Variants in MNAT1 observed in about 807,000 individuals in gnomAD.
MNAT1 encodes CDK-activating kinase assembly factor MAT1.
A neutral mutation model predicts 42.0 loss-of-function variants in MNAT1; 43 were observed. The observed-to-expected ratio is 1.02, with a 90% CI of 0.80 to 1.32. MNAT1 has a LOEUF of 1.32. Ranked by LOEUF, MNAT1 falls within the 40% of genes most tolerant of loss-of-function variation. MNAT1 has a pLI of 0.00. For missense variants in MNAT1, 306 were observed against 350.4 expected (o/e 0.87, Z 1.01); for synonymous variants, 118 against 120.0 (o/e 0.98, Z 0.11).
At chr14:60,778,148 A>G (rs937446328) in intron 1 of MNAT1, among the ~76,000 whole-genome samples, 1 of 152,170 alleles carries the variant, frequency 6.6e-6, no homozygotes, top group African/African-American at 2.4e-5. Flanking sequence ...TTGGCTGCAA[A>G]CCTATGAAGA....
At chr14:60,835,745 T>C (rs2033373132) in intron 6 of MNAT1, among the ~76,000 whole-genome samples, 1 of 152,134 alleles carries the variant, frequency 6.6e-6, no homozygotes, top group South Asian at 2.1e-4. Flanking sequence ...ATCTTTGTGG[T>C]GGTCTCTGTA....
At chr14:60,776,930 C>T (rs1220584526) in intron 1 of MNAT1, among the ~76,000 whole-genome samples, 1 of 95,230 alleles carries the variant, frequency 1.1e-5, no homozygotes, top group Non-Finnish European at 2.8e-5. Context: ...CTGATGCAGC[C>T]TTGACTTCCC....
chr14:60,929,168 A>T (rs376889479), intron 7 of MNAT1, among the ~76,000 whole-genome samples: 20,887 of 80,420 alleles, frequency 0.26, 2,099 homozygotes, highest in Non-Finnish European at 0.3. Flanking sequence ...AAAAAAAAAA[A>T]AAATATATAT....
chr14:60,890,770 C>G (rs1390913255), intron 7 of MNAT1, among the ~76,000 whole-genome samples: 2 of 152,176 alleles, frequency 1.3e-5, no homozygotes, highest in Admixed American at 1.3e-4. Context: ...CCTTCTTTTG[C>G]CTGCTTTATT....
intron 7 of MNAT1, among the ~76,000 whole-genome samples, chr14:60,930,424 A>G (rs2035862190): frequency 6.6e-6 from 1 of 152,022 alleles, no homozygotes; most frequent in Non-Finnish European, 1.5e-5. Context: ...AAGAGATATA[A>G]TGGAGAGAAG....
intron 6 of MNAT1, among the ~76,000 whole-genome samples, chr14:60,848,227 C>A (rs190263249): frequency 6.6e-5 from 10 of 152,264 alleles, no homozygotes; most frequent in Admixed American, 2.0e-4. Flanking sequence ...ATATATCGTT[C>A]CACTACCTTC....
chr14:60,795,399 C>T lies in MNAT1; in HGVS notation c.90-818C>T, dbSNP rs2031982366. Among the ~76,000 whole-genome samples the T allele has an allele frequency of 3.3e-5, 5 of 152,046 alleles. No individual in the cohort carries two copies. The South Asian group carries it at 1.0e-3, about 32-fold the overall frequency. On this transcript the variant is annotated intron_variant, in intron 1 of 7. Coordinates refer to ENST00000261245, the MANE Select transcript of MNAT1 (RefSeq NM_002431.4). The stretch of plus-strand genomic sequence containing the variant: ...GTATATTAACAGATCCCACCAAGTC[C>T]CCAGGAATCTGGTTATAGAGAGGTT...
At chr14:60,783,051 A>C (rs1205868182) in intron 1 of MNAT1, among the ~76,000 whole-genome samples, 1 of 152,174 alleles carries the variant, frequency 6.6e-6, no homozygotes, top group South Asian at 2.1e-4. Flanking sequence ...TCCCTAGTAG[A>C]TGTTCGTAGG....
At chr14:60,829,072 T>A (rs1232310787) in intron 6 of MNAT1, among the ~76,000 whole-genome samples, 1 of 152,038 alleles carries the variant, frequency 6.6e-6, no homozygotes, top group Non-Finnish European at 1.5e-5. Flanking sequence ...TGGCCACTGG[T>A]GATTAACTCA....
chr14:60,950,753 C>T (rs1003280378), intron 7 of MNAT1, among the ~76,000 whole-genome samples: 2 of 152,088 alleles, frequency 1.3e-5, no homozygotes, highest in Admixed American at 6.6e-5. Flanking sequence ...CATCTTTCGA[C>T]GAAGCTTCAT....
intron 1 of MNAT1, among the ~76,000 whole-genome samples, chr14:60,754,506 C>A (rs1213877220): frequency 1.3e-5 from 2 of 151,974 alleles, no homozygotes; most frequent in Non-Finnish European, 1.5e-5. Flanking sequence ...TGCCACCACA[C>A]CTGGTTGATT....
chr14:60,935,348 TTCTC>T lies in MNAT1; in HGVS notation c.810-32877_810-32874del, dbSNP rs535130246. 1.2e-3 allele frequency among the ~76,000 whole-genome samples: 177 copies of T among 147,382 alleles called. 2 individuals carry two copies. The highest frequency in any genetic ancestry group is 4.2e-3 in the African/African-American group (172 of 40,536). ...CCTCCCTCCCTCCTTCCTTTCTTCT[TTCTC>T]TCTTTCTTAGCATTATAGTTGATAT... On this transcript the variant is annotated intron_variant, in intron 7 of 7. Transcript: ENST00000261245.
intron 7 of MNAT1, among the ~76,000 whole-genome samples, chr14:60,899,551 A>C (rs1239530039): frequency 6.6e-6 from 1 of 152,170 alleles, no homozygotes; most frequent in Admixed American, 6.5e-5. Context: ...TTAGAACCTG[A>C]TGGTAATTAG....
At chr14:60,763,457 A>T (rs4151163) in intron 1 of MNAT1, among the ~76,000 whole-genome samples, 1 of 152,174 alleles carries the variant, frequency 6.6e-6, no homozygotes, top group Non-Finnish European at 1.5e-5. Context: ...ATAGATGAAT[A>T]AAATAGGGTA....
rs1273602304 is a variant in MNAT1, at chr14:60,791,549, C to T, written c.90-4668C>T. Among the ~76,000 whole-genome samples the T allele has an allele frequency of 5.9e-5, 9 of 152,250 alleles. No homozygotes were observed. The South Asian group carries it at 1.0e-3, about 18-fold the overall frequency. ...TGAAAGGACTGATGAGGAAATTTAACAGCAAATATTCCAAAGTTTAAATTG... is the reference window on the plus strand; with the variant it reads ...TGAAAGGACTGATGAGGAAATTTAATAGCAAATATTCCAAAGTTTAAATTG... On this transcript the variant is annotated intron_variant, in intron 1 of 7. Coordinates refer to ENST00000261245, the MANE Select transcript of MNAT1 (RefSeq NM_002431.4).
Position 60,959,622 on chromosome 14 carries a change from T to C in MNAT1, c.810-8607T>C, listed in dbSNP as rs893451253. Among the ~76,000 whole-genome samples, 3 of 152,340 alleles carry C rather than the reference T, an allele frequency of 2.0e-5. No homozygotes were observed. In the South Asian group the frequency reaches 6.2e-4, roughly 32 times the overall value. Reference sequence around the variant, plus strand: ...GAATGAACTGTTTCTTTCTTTTGTGTGGTTATGGAATTTTTGTGTCATTAC... The same window carrying C: ...GAATGAACTGTTTCTTTCTTTTGTGCGGTTATGGAATTTTTGTGTCATTAC... On this transcript the variant is annotated intron_variant, in intron 7 of 7. Transcript: ENST00000261245.
At chr14:60,752,730 G>A (rs116142501) in intron 1 of MNAT1, among the ~76,000 whole-genome samples, 1 of 152,224 alleles carries the variant, frequency 6.6e-6, no homozygotes, top group African/African-American at 2.4e-5. Flanking sequence ...AACTAATTTT[G>A]TAAGAAATTT....
chr14:60,885,316 T>C (rs996365790), intron 7 of MNAT1, among the ~76,000 whole-genome samples: 2 of 151,960 alleles, frequency 1.3e-5, no homozygotes, highest in African/African-American at 4.8e-5. Flanking sequence ...TTAGGCCCCA[T>C]AACTCTTAGA....
At chr14:60,957,969 C>T (rs891692582) in intron 7 of MNAT1, among the ~76,000 whole-genome samples, 2 of 152,072 alleles carry the variant, frequency 1.3e-5, no homozygotes, top group African/African-American at 4.8e-5. Context: ...TCCCGAGTAG[C>T]TGGGATTACA....
Sources: gnomAD v4.1 joint callset for allele counts (sites outside exome capture counted in the v4.1 genomes callset) on GRCh38, gnomAD v4.1.1 for gene constraint, MANE v1.5 for transcripts, NCBI Gene and HGNC (gene_info 2026-07-23, HGNC 2026-07-21) for gene names.